Variants in CDH13 observed in about 807,000 individuals in gnomAD.
The protein encoded by CDH13 is cadherin 13.
In CDH13, 24 loss-of-function variants were observed where a neutral mutation model predicts 63.8. The observed-to-expected ratio is 0.38, with a 90% CI of 0.27 to 0.53. The LOEUF (loss-of-function observed/expected upper bound fraction) is 0.53. Ranked by LOEUF, CDH13 falls within the 20% of genes least tolerant of loss-of-function variation. The pLI is 0.85. For missense variants in CDH13, 1,049 were observed against 903.1 expected, an observed-to-expected ratio of 1.16 and a Z score of -2.07; for synonymous variants, 503 against 355.3, an observed-to-expected ratio of 1.42 and a Z score of -4.67.
chr16:83,390,595 A>T (rs937039770), intron 6 of CDH13, among the ~76,000 whole-genome samples: 1 of 152,062 alleles, frequency 6.6e-6, no homozygotes, highest in Non-Finnish European at 1.5e-5. Flanking sequence ...TATTATCAAC[A>T]AGAATATGCC....
intron 1 of CDH13, among the ~76,000 whole-genome samples, chr16:82,729,754 G>C (rs1270673472): frequency 2.0e-5 from 3 of 152,110 alleles, no homozygotes; most frequent in African/African-American, 7.2e-5. Flanking sequence ...TCTCTATCTA[G>C]GCAATTCCTA....
chr16:83,050,508 C>G (rs2030192672), intron 3 of CDH13, among the ~76,000 whole-genome samples: 1 of 152,116 alleles, frequency 6.6e-6, no homozygotes, highest in Non-Finnish European at 1.5e-5. Context: ...CATATATTTT[C>G]TTCCTCTAGT....
chr16:82,820,965 G>T (rs1435158678), intron 1 of CDH13, among the ~76,000 whole-genome samples: 8 of 152,078 alleles, frequency 5.3e-5, no homozygotes, highest in Admixed American at 5.2e-4. Flanking sequence ...ACCAATGAGG[G>T]GTAGAGCTTG....
intron 1 of CDH13, among the ~76,000 whole-genome samples, chr16:82,773,749 T>G (rs1379119150): frequency 6.6e-6 from 1 of 152,156 alleles, no homozygotes; most frequent in Non-Finnish European, 1.5e-5. Flanking sequence ...TTTTTTTCTT[T>G]TTCTTAATTT....
At chr16:83,129,838 T>C (rs1597386480) in intron 4 of CDH13, among the ~76,000 whole-genome samples, 1 of 152,224 alleles carries the variant, frequency 6.6e-6, no homozygotes, top group East Asian at 1.9e-4. Context: ...TGATCCCTTC[T>C]GCTTCATCAC....
intron 2 of CDH13, among the ~76,000 whole-genome samples, chr16:82,959,281 A>C (rs1047657904): frequency 2.0e-5 from 3 of 152,228 alleles, no homozygotes; most frequent in Non-Finnish European, 4.4e-5. Context: ...TGGCAATATA[A>C]TTAAAGGACA....
At chr16:83,023,797 C>T (rs1303139794) in intron 2 of CDH13, among the ~76,000 whole-genome samples, 2 of 151,994 alleles carry the variant, frequency 1.3e-5, no homozygotes, top group Non-Finnish European at 2.9e-5. Context: ...TCACATGCAC[C>T]CTTTAATAGG....
chr16:83,632,977 T>C (rs1910916601), intron 8 of CDH13, among the ~76,000 whole-genome samples: 1 of 152,030 alleles, frequency 6.6e-6, no homozygotes, highest in South Asian at 2.1e-4. Flanking sequence ...ATTTGTAAAC[T>C]GTCATGGCAC....
chr16:83,786,080 G>T (rs527951006), intron 13 of CDH13, among the ~76,000 whole-genome samples: 5 of 152,254 alleles, frequency 3.3e-5, no homozygotes, highest in Non-Finnish European at 2.9e-5. Flanking sequence ...AGGAGGGTAC[G>T]GTGAGATGAC....
chr16:82,636,448 C>T (rs78658301), intron 1 of CDH13, among the ~76,000 whole-genome samples: 8,371 of 152,256 alleles, frequency 0.055, 328 homozygotes, highest in East Asian at 0.11. Flanking sequence ...GCAGCCTGTA[C>T]AATTAACCAA....
chr16:82,643,774 T>C (rs928109563), intron 1 of CDH13, among the ~76,000 whole-genome samples: 2 of 152,130 alleles, frequency 1.3e-5, no homozygotes, highest in Non-Finnish European at 2.9e-5. Flanking sequence ...ACAGGGTCTT[T>C]CTCTGTTGCC....
chr16:82,848,138 A>G (rs2039340981), intron 1 of CDH13, among the ~76,000 whole-genome samples: 1 of 152,224 alleles, frequency 6.6e-6, no homozygotes. Context: ...GAGAAAGTTC[A>G]TTGACACTAG....
intron 3 of CDH13, among the ~76,000 whole-genome samples, chr16:83,111,549 G>T (rs757103346): frequency 6.6e-6 from 1 of 152,210 alleles, no homozygotes; most frequent in Non-Finnish European, 1.5e-5. Flanking sequence ...GACTCTTCAG[G>T]AGAGCAGATC....
intron 3 of CDH13, among the ~76,000 whole-genome samples, chr16:83,083,793 A>G (rs1157526555): frequency 6.6e-6 from 1 of 152,220 alleles, no homozygotes; most frequent in African/African-American, 2.4e-5. Context: ...CATACCTAAT[A>G]TTAACCATCT....
chr16:82,744,927 C>T (rs2151059877), intron 1 of CDH13, among the ~76,000 whole-genome samples: 1 of 152,260 alleles, frequency 6.6e-6, no homozygotes, highest in East Asian at 1.9e-4. Context: ...TACAGGGCTG[C>T]CTCTCACAAC....
chr16:83,617,988 G>T lies in CDH13; in HGVS notation c.1101+15394G>T, dbSNP rs73609770. Among the ~76,000 whole-genome samples, 608 of 152,224 alleles carry T rather than the reference G, an allele frequency of 4.0e-3. 2 individuals carry two copies. Among genetic ancestry groups the T allele is most frequent in the African/African-American group, 0.014 (587 of 41,538 alleles). On this transcript the variant is annotated intron_variant, in intron 8 of 13. Transcript: ENST00000567109. ...TAAATTAGAATGTAAGCTCCTCAAGGAAAGAAACTATCTGTTTTGTCATCT... is the reference window on the plus strand; with the variant it reads ...TAAATTAGAATGTAAGCTCCTCAAGTAAAGAAACTATCTGTTTTGTCATCT...
chr16:83,082,706 G>A (rs2033337727), intron 3 of CDH13, among the ~76,000 whole-genome samples: 1 of 152,106 alleles, frequency 6.6e-6, no homozygotes, highest in African/African-American at 2.4e-5. Flanking sequence ...ATGGACTAAA[G>A]CCTCAAAGAG....
At chr16:83,341,989 C>CCCCACACACACACACACACACACA (rs767233245) in intron 5 of CDH13, among the ~76,000 whole-genome samples, 1 of 138,072 alleles carries the variant, frequency 7.2e-6, no homozygotes, top group Non-Finnish European at 1.6e-5. Context: ...GTGTCCCCTG[C>CCCCACACACACACACACACACACA]CACACACACA....
At chr16:83,532,843 C>A (rs752496857) in intron 7 of CDH13, among the ~76,000 whole-genome samples, 1 of 152,204 alleles carries the variant, frequency 6.6e-6, no homozygotes, top group Non-Finnish European at 1.5e-5. Context: ...ATGAGCCATG[C>A]GTTGTGCCAA....
Sources: allele counts gnomAD v4.1 joint callset (sites outside exome capture counted in the v4.1 genomes callset), GRCh38; gene constraint gnomAD v4.1.1; transcripts MANE v1.5; gene names NCBI Gene and HGNC (gene_info 2026-07-23, HGNC 2026-07-21).